The following SULF1 variants were observed in gnomAD, a reference collection of about 807,000 sequenced individuals.
SULF1 encodes sulfatase 1.
Under a neutral mutation model 110.5 loss-of-function variants are expected in SULF1, and 46 were observed. The ratio of observed to expected loss-of-function variants is 0.42; its 90% confidence interval spans 0.33 to 0.53. SULF1 has a LOEUF of 0.53. Ranked by LOEUF, SULF1 falls within the 20% of genes least tolerant of loss-of-function variation. The probability of loss-of-function intolerance (pLI) is 0.12; values close to 1 mark genes in which losing one functional copy is unlikely to be tolerated. For missense variants in SULF1, 941 were observed against 1,094.2 expected (o/e 0.86, Z 1.98); for synonymous variants, 371 against 387.1 (o/e 0.96, Z 0.49).
chr8:69,511,790 A>G (rs903414211), intron 3 of SULF1, among the ~76,000 whole-genome samples: 1 of 152,360 alleles, frequency 6.6e-6, no homozygotes, highest in Non-Finnish European at 1.5e-5. Context: ...GGACAAATGT[A>G]TAATAACATA....
intron 3 of SULF1, among the ~76,000 whole-genome samples, chr8:69,530,415 G>T (rs1395234552): frequency 6.6e-6 from 1 of 152,144 alleles, no homozygotes; most frequent in East Asian, 1.9e-4. Context: ...TCTGCTAATT[G>T]TAGAGATTCT....
rs754304046 is a variant in SULF1, at chr8:69,621,167, T to G, written c.1510T>G (p.Cys504Gly). ...CGGCTTCCATGACAAAGACAAAGAG[T>G]GCAGTTGTAGGGAGTCTGGTTACCG... The part of the protein sequence containing the change: ...ARGFHDKDKE[C>G]SCRESGYRAS... The change falls in exon 14 of 23, where the codon TGC (cysteine) becomes GGC (glycine). Residue 504 changes from cysteine (C) to glycine (G), a missense_variant. Coordinates refer to ENST00000402687, the MANE Select transcript of SULF1 (RefSeq NM_001128205.2). 1 of 1,613,778 alleles carries G rather than the reference T, an allele frequency of 6.2e-7. No individual in the cohort carries two copies. The highest frequency in any genetic ancestry group is 8.5e-7 in the Non-Finnish European group (1 of 1,179,934).
intron 1 of SULF1, among the ~76,000 whole-genome samples, chr8:69,483,378 G>C (rs1193440586): frequency 6.6e-6 from 1 of 152,086 alleles, no homozygotes; most frequent in East Asian, 1.9e-4. Flanking sequence ...GAAGTGGATT[G>C]GACAGGCATT....
At chr8:69,556,381 T>C (rs939367301) in intron 3 of SULF1, among the ~76,000 whole-genome samples, 2 of 152,116 alleles carry the variant, frequency 1.3e-5, no homozygotes, top group African/African-American at 4.8e-5. Context: ...AATTCTTGAG[T>C]TTATTCTTCC....
chr8:69,495,178 G>T (rs574788709), intron 1 of SULF1, among the ~76,000 whole-genome samples: 1 of 152,224 alleles, frequency 6.6e-6, no homozygotes, highest in East Asian at 1.9e-4. Flanking sequence ...ATCACTAAGA[G>T]GTTAGACTGC....
At chr8:69,607,131 C>T (rs552129730) in intron 13 of SULF1, among the ~76,000 whole-genome samples, 2 of 152,304 alleles carry the variant, frequency 1.3e-5, no homozygotes, top group African/African-American at 2.4e-5. Flanking sequence ...TATTGCAGAC[C>T]TTCTGAATCA....
At chr8:69,517,594 A>T (rs1175356169) in intron 3 of SULF1, among the ~76,000 whole-genome samples, 1 of 152,178 alleles carries the variant, frequency 6.6e-6, no homozygotes, top group East Asian at 1.9e-4. Flanking sequence ...CAAAATGAAC[A>T]TTAATAGCAT....
At chr8:69,470,867 G>C (rs570090822) in intron 1 of SULF1, among the ~76,000 whole-genome samples, 1 of 152,206 alleles carries the variant, frequency 6.6e-6, no homozygotes, top group African/African-American at 2.4e-5. Context: ...AGCTAAAGTG[G>C]GCAGCACAGC....
At chr8:69,593,089 C>T in intron 8 of SULF1, 2 of 465,254 alleles carry the variant, frequency 4.3e-6, no homozygotes, top group Non-Finnish European at 5.7e-6. Flanking sequence ...GTTTTGTGCA[C>T]CTAGAATGTG....
intron 3 of SULF1, among the ~76,000 whole-genome samples, chr8:69,532,166 T>C (rs1813131439): frequency 6.6e-6 from 1 of 152,206 alleles, no homozygotes. Flanking sequence ...AGCATACCCA[T>C]TTAAATTTCA....
chr8:69,504,947 C>T (rs934569471), intron 3 of SULF1, among the ~76,000 whole-genome samples: 27 of 152,124 alleles, frequency 1.8e-4, no homozygotes, highest in African/African-American at 6.3e-4. Context: ...AAATGCTGCC[C>T]TGTGCATTTT....
At chr8:69,644,477 A>G (rs529428005) in intron 22 of SULF1, among the ~76,000 whole-genome samples, 53 of 152,284 alleles carry the variant, frequency 3.5e-4, no homozygotes, top group African/African-American at 1.2e-3. Flanking sequence ...CACCAGCACC[A>G]CCAAACTCCA....
chr8:69,495,396 TA>T (rs917066359), intron 1 of SULF1, among the ~76,000 whole-genome samples: 28 of 149,972 alleles, frequency 1.9e-4, no homozygotes, highest in African/African-American at 4.4e-4. Flanking sequence ...CCTGGCTCTT[TA>T]AAAAAAAAAT....
At position 69,537,654 on chromosome 8, in the gene SULF1, G is replaced by A. The variant is rs139994073; in HGVS notation, c.-133-25885G>A. 4.9e-3 allele frequency among the ~76,000 whole-genome samples: 741 copies of A among 152,290 alleles called. 4 individuals carry two copies. Among genetic ancestry groups the A allele is most frequent in the African/African-American group, 0.017 (714 of 41,552 alleles). ...GGTGTTTACCATTTTTACCACAAAGGGGGAAACAGCCTGCAGAAACAGTTA... is the reference window on the plus strand; with the variant it reads ...GGTGTTTACCATTTTTACCACAAAGAGGGAAACAGCCTGCAGAAACAGTTA... On this transcript the variant is annotated intron_variant, in intron 3 of 22. Coordinates refer to ENST00000402687, the MANE Select transcript of SULF1 (RefSeq NM_001128205.2).
At position 69,660,552 on chromosome 8, in the gene SULF1, A is replaced by G. The variant is rs1427556492; in HGVS notation, c.*2017A>G. Reference sequence around the variant, plus strand: ...TTACCCTAAGAGAGGTTTTCTTCTTATTTTTAGATAATTCAAGTGCTTAGA... The same window carrying G: ...TTACCCTAAGAGAGGTTTTCTTCTTGTTTTTAGATAATTCAAGTGCTTAGA... On this transcript the variant is annotated 3_prime_UTR_variant, in exon 23 of 23. Coordinates refer to ENST00000402687, the MANE Select transcript of SULF1 (RefSeq NM_001128205.2). 2.6e-5 allele frequency: 4 copies of G among 152,580 alleles called. No homozygotes were observed. Among genetic ancestry groups the G allele is most frequent in the African/African-American group, 9.7e-5 (4 of 41,450 alleles). 9.5% of individuals were successfully genotyped at this position (152,580 alleles called of 1,614,324 possible). A position where few individuals can be genotyped will look rare whatever the true frequency, so the allele number is the denominator to read the frequency against.
rs1475387168 is a variant in SULF1, at chr8:69,659,061, C to T, written c.*526C>T. The T allele has an allele frequency of 8.8e-6, 4 of 456,992 alleles. No individual in the cohort carries two copies. The highest frequency in any genetic ancestry group is 1.8e-5 in the Non-Finnish European group (4 of 227,080). The allele number at this position is 456,992 out of a possible 1,614,324, so 28.3% of individuals were successfully genotyped here. A position where few individuals can be genotyped will look rare whatever the true frequency, so the allele number is the denominator to read the frequency against. On this transcript the variant is annotated 3_prime_UTR_variant, in exon 23 of 23. Transcript: ENST00000402687. ...CAGAGCTAGAGCTCGGGCCCAGCCCCAGGCTGCAGCCCATTCGCAGGCACC... is the reference window on the plus strand; with the variant it reads ...CAGAGCTAGAGCTCGGGCCCAGCCCTAGGCTGCAGCCCATTCGCAGGCACC...
At chr8:69,561,557 A>C (rs1815485852) in intron 3 of SULF1, among the ~76,000 whole-genome samples, 1 of 152,214 alleles carries the variant, frequency 6.6e-6, no homozygotes, top group Non-Finnish European at 1.5e-5. Flanking sequence ...AAGAACTTTC[A>C]GCTTCTTGTA....
At chr8:69,638,481 T>A in intron 19 of SULF1, 21 bp from the exon 20 acceptor site, 1 of 1,606,784 alleles carries the variant, frequency 6.2e-7, no homozygotes, top group Non-Finnish European at 8.5e-7. Flanking sequence ...TTTTGTTGTG[T>A]TTTTCTTTTT....
intron 1 of SULF1, among the ~76,000 whole-genome samples, chr8:69,487,126 C>A (rs1455501232): frequency 6.6e-6 from 1 of 152,222 alleles, no homozygotes; most frequent in East Asian, 1.9e-4. Flanking sequence ...AATTAGGAAG[C>A]TACTGCAGGC....
Sources: allele counts gnomAD v4.1 joint callset (sites outside exome capture counted in the v4.1 genomes callset), GRCh38; gene constraint gnomAD v4.1.1; transcripts MANE v1.5; gene names NCBI Gene and HGNC (gene_info 2026-07-23, HGNC 2026-07-21).